Variants in LINGO2 observed in about 807,000 individuals in gnomAD.
LINGO2 encodes the protein leucine-rich repeat and immunoglobulin-like domain-containing nogo receptor-interacting protein 2.
In LINGO2, 14 loss-of-function variants were observed where a neutral mutation model predicts 30.6. That is an observed-to-expected ratio of 0.46 (90% CI 0.30 to 0.72). The LOEUF (loss-of-function observed/expected upper bound fraction) is 0.72, where lower values mean the gene tolerates loss of function less well. LINGO2 is among the 30% of genes least tolerant of loss of function. The pLI is 0.07. For missense variants in LINGO2, 729 were observed against 751.7 expected, an observed-to-expected ratio of 0.97 and a Z score of 0.35; for synonymous variants, 317 against 288.5, an observed-to-expected ratio of 1.10 and a Z score of -1.00.
chr9:28,755,627 A>G, the LINGO2 span, among the ~76,000 whole-genome samples: 1 of 152,086 alleles, frequency 6.6e-6, no homozygotes, highest in Non-Finnish European at 1.5e-5. Flanking sequence ...AAATGATGCT[A>G]TTTCACTGGA....
At chr9:28,975,449 G>T in the LINGO2 span, among the ~76,000 whole-genome samples, 1 of 152,122 alleles carries the variant, frequency 6.6e-6, no homozygotes, top group Non-Finnish European at 1.5e-5. Flanking sequence ...AGAAAAGAAG[G>T]CTACTGGCCT....
At chr9:28,484,327 T>G (rs1176886890) in intron 1 of LINGO2, among the ~76,000 whole-genome samples, 1 of 152,064 alleles carries the variant, frequency 6.6e-6, no homozygotes, top group Non-Finnish European at 1.5e-5. Flanking sequence ...GCTCCAACTG[T>G]TGGATAAATC....
chr9:28,121,474 C>CT (rs2133398876), intron 4 of LINGO2, among the ~76,000 whole-genome samples: 1 of 152,142 alleles, frequency 6.6e-6, no homozygotes, highest in South Asian at 2.1e-4. Flanking sequence ...CTTCCACATT[C>CT]TTTTTTCTTT....
At chr9:27,969,093 C>A (rs1563866023) in intron 5 of LINGO2, among the ~76,000 whole-genome samples, 1 of 150,536 alleles carries the variant, frequency 6.6e-6, no homozygotes, top group African/African-American at 2.5e-5. Context: ...CAATAAATGG[C>A]TCAGCAAACA....
chr9:28,453,107 C>A (rs56177560), intron 2 of LINGO2, among the ~76,000 whole-genome samples: 1 of 151,814 alleles, frequency 6.6e-6, no homozygotes, highest in Non-Finnish European at 1.5e-5. Context: ...ATATAATGTA[C>A]CATAAAATTT....
At chr9:28,948,977 A>G in the LINGO2 span, among the ~76,000 whole-genome samples, 1 of 152,072 alleles carries the variant, frequency 6.6e-6, no homozygotes, top group East Asian at 1.9e-4. Context: ...TTGACATCTC[A>G]ATTCCTCTTA....
intron 2 of LINGO2, among the ~76,000 whole-genome samples, chr9:28,402,751 C>G (rs1016854609): frequency 6.6e-6 from 1 of 152,074 alleles, no homozygotes; most frequent in Non-Finnish European, 1.5e-5. Flanking sequence ...AACCCTTTCC[C>G]CCACTATATC....
intron 5 of LINGO2, among the ~76,000 whole-genome samples, chr9:27,976,258 C>T (rs1820588703): frequency 6.6e-6 from 1 of 152,042 alleles, no homozygotes; most frequent in Non-Finnish European, 1.5e-5. Context: ...CAGCAATTAA[C>T]AAGCTATTAG....
intron 1 of LINGO2, among the ~76,000 whole-genome samples, chr9:28,582,495 C>A (rs1269539932): frequency 6.6e-6 from 1 of 152,020 alleles, no homozygotes; most frequent in Non-Finnish European, 1.5e-5. Context: ...TGAAACTCAA[C>A]CTACCAGTGA....
At chr9:28,335,807 G>A (rs1199563709) in intron 3 of LINGO2, among the ~76,000 whole-genome samples, 1 of 152,122 alleles carries the variant, frequency 6.6e-6, no homozygotes, top group Non-Finnish European at 1.5e-5. Flanking sequence ...TGGCATGGAT[G>A]TACAACAGTT....
the LINGO2 span, among the ~76,000 whole-genome samples, chr9:29,021,877 C>CAAAT: frequency 3.9e-5 from 6 of 151,936 alleles, no homozygotes; most frequent in Non-Finnish European, 7.4e-5. Context: ...GATCACATTT[C>CAAAT]AAATAAAAGT....
chr9:28,282,438 A>G (rs1461653779), intron 4 of LINGO2, among the ~76,000 whole-genome samples: 3 of 152,004 alleles, frequency 2.0e-5, no homozygotes, highest in Non-Finnish European at 4.4e-5. Context: ...AGTCCTCCAA[A>G]TCATGTATTT....
chr9:29,123,137 G>A, the LINGO2 span, among the ~76,000 whole-genome samples: 1 of 151,984 alleles, frequency 6.6e-6, no homozygotes, highest in Non-Finnish European at 1.5e-5. Context: ...AGGGTTCACA[G>A]GACAGGAGAA....
intron 5 of LINGO2, among the ~76,000 whole-genome samples, chr9:27,988,314 G>A (rs7022782): frequency 0.37 from 56,708 of 151,818 alleles, 10,588 homozygotes; most frequent in African/African-American, 0.4. Context: ...AAACATATGT[G>A]TGCATGTGTC....
chr9:29,160,229 G>A, the LINGO2 span, among the ~76,000 whole-genome samples: 1 of 152,098 alleles, frequency 6.6e-6, no homozygotes, highest in Non-Finnish European at 1.5e-5. Context: ...ACCATGCTTT[G>A]AGCACCATTG....
upstream of LINGO2, among the ~76,000 whole-genome samples, chr9:28,672,447 C>T (rs1314794729): frequency 6.6e-6 from 1 of 152,152 alleles, no homozygotes; most frequent in Non-Finnish European, 1.5e-5. Flanking sequence ...GTGATAGGCA[C>T]TTTCATATGC....
chr9:29,134,644 T>G, the LINGO2 span, among the ~76,000 whole-genome samples: 1 of 152,102 alleles, frequency 6.6e-6, no homozygotes, highest in Non-Finnish European at 1.5e-5. Context: ...CATTAAACAT[T>G]CTTAGAAAGT....
At chr9:29,000,628 G>A in the LINGO2 span, among the ~76,000 whole-genome samples, 1 of 151,794 alleles carries the variant, frequency 6.6e-6, no homozygotes. Context: ...TACTGAAAGA[G>A]CTACTCCATA....
At chr9:28,133,230 A>G (rs1391734978) in intron 4 of LINGO2, among the ~76,000 whole-genome samples, 1 of 152,214 alleles carries the variant, frequency 6.6e-6, no homozygotes, top group Non-Finnish European at 1.5e-5. Context: ...TCCTGACTAT[A>G]TTATTAAATA....
Sources: gnomAD v4.1 joint callset for allele counts (sites outside exome capture counted in the v4.1 genomes callset) on GRCh38, gnomAD v4.1.1 for gene constraint, MANE v1.5 for transcripts, NCBI Gene and HGNC (gene_info 2026-07-23, HGNC 2026-07-21) for gene names.